The following ITIH5 variants were observed in gnomAD, a reference collection of about 807,000 sequenced individuals.
ITIH5 encodes the protein inter-alpha-trypsin inhibitor heavy chain 5.
Under a neutral mutation model 77.5 loss-of-function variants are expected in ITIH5, and 65 were observed. That is an observed-to-expected ratio of 0.84 (90% confidence interval 0.69 to 1.03). The LOEUF is 1.03. ITIH5 is among the 50% of genes least tolerant of loss of function. The pLI is 0.00. For missense variants in ITIH5, 1,208 were observed against 1,213.1 expected (o/e 1.00, Z 0.06); for synonymous variants, 525 against 494.3 (o/e 1.06, Z -0.82).
intron 1 of ITIH5, among the ~76,000 whole-genome samples, chr10:7,658,009 G>T (rs549537579): frequency 3.9e-5 from 6 of 152,290 alleles, no homozygotes; most frequent in African/African-American, 1.4e-4. Context: ...GGGATTGCCG[G>T]ATACCACAGC....
At chr10:7,665,045 T>C (rs954342147) in intron 1 of ITIH5, among the ~76,000 whole-genome samples, 1 of 152,176 alleles carries the variant, frequency 6.6e-6, no homozygotes, top group Non-Finnish European at 1.5e-5. Context: ...AAGAACGGAT[T>C]AGGGATAAAA....
At chr10:7,618,576 C>G (rs1430399110) in intron 5 of ITIH5, 1 of 152,106 alleles carries the variant, frequency 6.6e-6, no homozygotes, top group Non-Finnish European at 1.5e-5. Context: ...AAAACATAAA[C>G]AAGAATTCTT....
chr10:7,606,263 A>T (rs1025993899), intron 7 of ITIH5, among the ~76,000 whole-genome samples: 1 of 152,226 alleles, frequency 6.6e-6, no homozygotes, highest in African/African-American at 2.4e-5. Flanking sequence ...TATATACCCA[A>T]AGGAATAGAA....
intron 5 of ITIH5, among the ~76,000 whole-genome samples, chr10:7,631,361 C>T (rs1471371070): frequency 6.6e-6 from 1 of 152,192 alleles, no homozygotes; most frequent in Non-Finnish European, 1.5e-5. Flanking sequence ...GGAGCCTCTT[C>T]TCTCAACGTG....
intron 7 of ITIH5, among the ~76,000 whole-genome samples, chr10:7,609,922 G>A (rs1833207421): frequency 1.3e-5 from 2 of 152,032 alleles, no homozygotes; most frequent in Non-Finnish European, 2.9e-5. Context: ...GGACACCATG[G>A]TCAAGGAAAA....
In ITIH5 at chr10:7,637,199, T is replaced by G. The variant is rs756645703; in HGVS notation, c.652+29A>C. ...ACCAGCTGGGTGTTTTCACCACAGA[T>G]CTGCACGAACCCAGCACGCAGGACT... On this transcript the variant is annotated intron_variant, in intron 5 of 13. Transcript: ENST00000397146. 30 of 1,593,648 alleles carry G rather than the reference T, an allele frequency of 1.9e-5. No homozygotes were observed. The Admixed American group carries it at 5.0e-4, about 27-fold the overall frequency.
intron 12 of ITIH5, among the ~76,000 whole-genome samples, chr10:7,568,053 T>A (rs1832223082): frequency 6.6e-6 from 1 of 152,202 alleles, no homozygotes; most frequent in Admixed American, 6.5e-5. Flanking sequence ...TTTTCTGGAC[T>A]TGAGCAAGGC....
intron 1 of ITIH5, among the ~76,000 whole-genome samples, chr10:7,659,378 C>CA (rs528515637): frequency 1.7e-4 from 25 of 146,246 alleles, no homozygotes; most frequent in South Asian, 1.1e-3. Flanking sequence ...GAGTCCATTT[C>CA]AAAAAAAAAT....
intron 5 of ITIH5, among the ~76,000 whole-genome samples, chr10:7,628,889 CCGTGTTGTGG>C (rs1454587342): frequency 7.4e-5 from 10 of 135,080 alleles, no homozygotes; most frequent in Admixed American, 7.3e-5. Flanking sequence ...TAGCGTGTGT[CCGTGTTGTGG>C]CATGCATCCA....
At chr10:7,594,941 T>A (rs972012317) in intron 7 of ITIH5, among the ~76,000 whole-genome samples, 2 of 152,192 alleles carry the variant, frequency 1.3e-5, no homozygotes, top group Non-Finnish European at 2.9e-5. Flanking sequence ...AAGAGGCCCT[T>A]CGGGTTTCCC....
At chr10:7,593,767 T>C (rs192062506) in intron 7 of ITIH5, among the ~76,000 whole-genome samples, 1 of 148,432 alleles carries the variant, frequency 6.7e-6, no homozygotes, top group Admixed American at 6.7e-5. Context: ...CACTCATCCC[T>C]ACAGACTGCA....
In ITIH5 at chr10:7,576,474, G is replaced by A. The variant is rs147713633; in HGVS notation, c.1957C>T (p.Arg653Ter). 263 of 1,601,072 alleles carry A rather than the reference G, an allele frequency of 1.6e-4. 1 individual carries two copies. Among genetic ancestry groups the A allele is most frequent in the Non-Finnish European group, 2.1e-4 (246 of 1,176,440 alleles). The change falls in exon 10 of 14, where the codon CGA becomes TGA. Residue 653 changes from arginine to a stop codon, truncating the protein, a stop_gained. Transcript: ENST00000397146. LOFTEE classifies it high-confidence loss of function. Reference sequence around the variant, plus strand: ...GTACCTGGCTGCGTGCCAGCTCCTCGCACGCTCTGCACCACCGGTTCGGGT... The same window carrying A: ...GTACCTGGCTGCGTGCCAGCTCCTCACACGCTCTGCACCACCGGTTCGGGT... ...MGPEPVVQSV[R>*]GAGTQPGPLL...
intron 8 of ITIH5, among the ~76,000 whole-genome samples, chr10:7,581,622 T>C (rs1025571211): frequency 1.3e-5 from 2 of 152,094 alleles, no homozygotes; most frequent in Non-Finnish European, 2.9e-5. Context: ...CATATCAAGT[T>C]GTACACTTAC....
chr10:7,598,168 C>G (rs912205047), intron 7 of ITIH5, among the ~76,000 whole-genome samples: 1 of 152,144 alleles, frequency 6.6e-6, no homozygotes, highest in Non-Finnish European at 1.5e-5. Flanking sequence ...CCTTTTGTTG[C>G]CCCTCTGCTA....
chr10:7,615,944 G>T (rs1833354949), intron 7 of ITIH5, 38 bp downstream of exon 7: 3 of 1,261,632 alleles, frequency 2.4e-6, no homozygotes, highest in Non-Finnish European at 2.3e-6. Flanking sequence ...CCAGGCAAAA[G>T]CGAGAGAGGA....
chr10:7,655,685 A>G lies in ITIH5; in HGVS notation c.91-10T>C, dbSNP rs1293104226. ...GGACCCTGAGTCCATCCTAGAAAAG[A>G]GAAGAGACTGTTAAAAAGGTGATTT... On this transcript the variant is annotated splice_polypyrimidine_tract_variant and intron_variant, in intron 1 of 13. Transcript: ENST00000397146. The G allele has an allele frequency of 1.2e-6, 2 of 1,607,002 alleles. No individual in the cohort carries two copies. The highest frequency in any genetic ancestry group is 2.7e-5 in the African/African-American group (2 of 74,766).
chr10:7,643,997 T>C (rs1159439887), intron 2 of ITIH5, among the ~76,000 whole-genome samples: 2 of 152,162 alleles, frequency 1.3e-5, no homozygotes, highest in African/African-American at 4.8e-5. Context: ...TCCCAGCACT[T>C]TGGGAGGCCA....
intron 7 of ITIH5, among the ~76,000 whole-genome samples, chr10:7,602,934 T>G (rs1479813733): frequency 1.3e-5 from 2 of 152,200 alleles, no homozygotes; most frequent in Non-Finnish European, 2.9e-5. Flanking sequence ...TCTCATTCCA[T>G]GCAGGCTCCC....
At chr10:7,572,485 G>C (rs1832321484) in intron 11 of ITIH5, 1 of 1,280,346 alleles carries the variant, frequency 7.8e-7, no homozygotes, top group Admixed American at 2.5e-5. Flanking sequence ...TATGATAGCA[G>C]AGGCTGGAAG....
Sources: allele counts gnomAD v4.1 joint callset (sites outside exome capture counted in the v4.1 genomes callset), GRCh38; gene constraint gnomAD v4.1.1; transcripts MANE v1.5; gene names NCBI Gene and HGNC (gene_info 2026-07-23, HGNC 2026-07-21).